The following PRKCE variants were observed in gnomAD, a reference collection of about 807,000 sequenced individuals.
PRKCE encodes protein kinase C epsilon type.
In PRKCE, 16 loss-of-function variants were observed where a neutral mutation model predicts 85.4. The ratio of observed to expected loss-of-function variants is 0.19; its 90% CI spans 0.13 to 0.28. The LOEUF (loss-of-function observed/expected upper bound fraction) is 0.28. Among genes scored for constraint, PRKCE ranks in the 10% least tolerant of loss-of-function variants. PRKCE has a pLI of 1.00. For synonymous variants in PRKCE, 388 were observed against 371.5 expected (o/e 1.04, Z -0.51); for missense variants, 573 against 975.2 (o/e 0.59, Z 5.49).
At chr2:46,149,453 C>G (rs1676390238) in intron 12 of PRKCE, among the ~76,000 whole-genome samples, 1 of 152,138 alleles carries the variant, frequency 6.6e-6, no homozygotes, top group South Asian at 2.1e-4. Flanking sequence ...AGAGCCATGC[C>G]TAATCCCACT....
rs749536518 is a variant in PRKCE at position 46,138,595 on chromosome 2, G to T, written c.1593-6498G>T. Among the ~76,000 whole-genome samples, 1 of 152,106 alleles carries T rather than the reference G, an allele frequency of 6.6e-6. No individual in the cohort carries two copies. Among genetic ancestry groups the T allele is most frequent in the Non-Finnish European group, 1.5e-5 (1 of 68,034 alleles). On this transcript the variant is annotated intron_variant, in intron 11 of 14. Transcript: ENST00000306156. The surrounding 1 kb of genome is among the most constrained non-coding windows in gnomAD (Gnocchi z 4.2). The stretch of plus-strand genomic sequence containing the variant: ...AAATCTCTGTCTGGCTTAGTGATCC[G>T]GGCCAGGCCGTGTTAGAGCCCTGAT...
At chr2:45,717,866 G>A (rs942695106) in intron 1 of PRKCE, among the ~76,000 whole-genome samples, 5 of 152,234 alleles carry the variant, frequency 3.3e-5, no homozygotes, top group East Asian at 3.9e-4. Flanking sequence ...CCAGTATCAC[G>A]GGTCTACTCT....
chr2:45,824,585 C>T (rs745701531), intron 1 of PRKCE, among the ~76,000 whole-genome samples: 12 of 152,180 alleles, frequency 7.9e-5, no homozygotes, highest in Non-Finnish European at 1.3e-4. Context: ...TCCCTCCCTC[C>T]GTCCCTCCCT....
intron 1 of PRKCE, among the ~76,000 whole-genome samples, chr2:45,744,504 C>A (rs1336942725): frequency 3.3e-5 from 1 of 30,474 alleles, no homozygotes; most frequent in Non-Finnish European, 6.5e-5. Context: ...TCTTTCTTTT[C>A]TTTCTTTCTT....
chr2:45,814,659 A>G (rs1021355222), intron 1 of PRKCE, among the ~76,000 whole-genome samples: 2 of 152,188 alleles, frequency 1.3e-5, no homozygotes, highest in African/African-American at 4.8e-5. Context: ...GGTCTGTGCT[A>G]TTCGGGGGTG....
chr2:46,081,002 C>CACAT (rs1209707632), intron 10 of PRKCE, among the ~76,000 whole-genome samples: 1 of 147,576 alleles, frequency 6.8e-6, no homozygotes, highest in African/African-American at 2.5e-5. Flanking sequence ...CACACACACA[C>CACAT]ATTTTTAGAG....
chr2:45,936,671 C>A (rs1040574570), intron 2 of PRKCE, among the ~76,000 whole-genome samples: 7 of 152,210 alleles, frequency 4.6e-5, no homozygotes, highest in Non-Finnish European at 8.8e-5. Context: ...CCCCTGCAGC[C>A]CTCTTTTTGC....
At chr2:46,151,621 G>A (rs574887375) in intron 13 of PRKCE, among the ~76,000 whole-genome samples, 1 of 130,694 alleles carries the variant, frequency 7.7e-6, no homozygotes, top group African/African-American at 2.8e-5. Context: ...CCTGTGGCCT[G>A]TCTTCATCAG....
chr2:46,018,487 T>A (rs915074564), intron 10 of PRKCE, among the ~76,000 whole-genome samples: 5 of 152,102 alleles, frequency 3.3e-5, no homozygotes, highest in Non-Finnish European at 5.9e-5. Context: ...AAAATTTTTT[T>A]AAAAAAAGCC....
chr2:46,120,653 T>G (rs2218660), intron 11 of PRKCE, among the ~76,000 whole-genome samples: 52,005 of 152,032 alleles, frequency 0.34, 10,312 homozygotes, highest in African/African-American at 0.55. Context: ...TAGGCTTTTT[T>G]AACTCTTCTG....
At chr2:46,053,522 C>G (rs13420860) in intron 10 of PRKCE, among the ~76,000 whole-genome samples, 16,347 of 152,196 alleles carry the variant, frequency 0.11, 1,246 homozygotes, top group African/African-American at 0.22. Flanking sequence ...CCTCCTTCAG[C>G]CCCTGACAAC....
chr2:46,110,435 A>G (rs2104213481), intron 11 of PRKCE, among the ~76,000 whole-genome samples: 1 of 152,312 alleles, frequency 6.6e-6, no homozygotes, highest in South Asian at 2.1e-4. Context: ...TGTATCTTTC[A>G]CAGAATTGGC....
intron 2 of PRKCE, among the ~76,000 whole-genome samples, chr2:45,927,009 G>A (rs1698670732): frequency 6.6e-6 from 1 of 152,080 alleles, no homozygotes. Context: ...ACTATAGAAT[G>A]TGTATACATG....
rs1479345218 is a variant in PRKCE at position 46,086,330 on chromosome 2, C to A, written c.1560C>A (p.Leu520=). The change falls in exon 11 of 15, where the codon CTC becomes CTA. Residue 520 remains leucine, a synonymous_variant. Coordinates refer to ENST00000306156, the MANE Select transcript of PRKCE (RefSeq NM_005400.3). ...RFYAAEVTSA[L]MFLHQHGVIY... is the part of the protein sequence containing the mutation. ...ATGCTGCAGAGGTCACATCGGCCCTCATGTTCCTCCACCAGCATGGAGTCA... is the reference window on the plus strand; with the variant it reads ...ATGCTGCAGAGGTCACATCGGCCCTAATGTTCCTCCACCAGCATGGAGTCA... 2.5e-6 allele frequency: 4 copies of A among 1,599,640 alleles called. No homozygotes were observed. Among genetic ancestry groups the A allele is most frequent in the Non-Finnish European group, 2.5e-6 (3 of 1,179,882 alleles).
At chr2:45,828,323 C>A (rs1690122453) in intron 1 of PRKCE, among the ~76,000 whole-genome samples, 2 of 152,190 alleles carry the variant, frequency 1.3e-5, no homozygotes, top group Admixed American at 1.3e-4. Context: ...TTGCTTGAAG[C>A]CAGGAGGCGG....
intron 2 of PRKCE, among the ~76,000 whole-genome samples, chr2:45,970,918 T>C (rs1702066173): frequency 6.6e-6 from 1 of 150,580 alleles, no homozygotes; most frequent in African/African-American, 2.4e-5. Context: ...ACATACTATA[T>C]ATACATACAC....
In PRKCE at chr2:45,942,865, G is replaced by A. The variant is rs373123715; in HGVS notation, c.413-33564G>A. Among the ~76,000 whole-genome samples, 12 of 152,064 alleles carry A rather than the reference G, an allele frequency of 7.9e-5. 1 individual carries two copies. The highest frequency in any genetic ancestry group is 6.5e-4 in the Admixed American group (10 of 15,278). ...ACTTCATTTTTAATTAAACATCAGT[G>A]GAAATATGCTTACAGTAAAACATTT... On this transcript the variant is annotated intron_variant, in intron 2 of 14. Coordinates refer to ENST00000306156, the MANE Select transcript of PRKCE (RefSeq NM_005400.3).
chr2:45,744,669 G>T (rs921546575), intron 1 of PRKCE, among the ~76,000 whole-genome samples: 1 of 150,920 alleles, frequency 6.6e-6, no homozygotes, highest in South Asian at 2.1e-4. Flanking sequence ...GTGCAGTGGT[G>T]CCGTCTCCGG....
chr2:45,961,718 G>A (rs984954816), intron 2 of PRKCE, among the ~76,000 whole-genome samples: 5 of 151,836 alleles, frequency 3.3e-5, no homozygotes, highest in African/African-American at 4.8e-5. Flanking sequence ...TCTTTGAGAC[G>A]GAGTTTCACT....
Sources: gnomAD v4.1 joint callset for allele counts (sites outside exome capture counted in the v4.1 genomes callset) on GRCh38, gnomAD v4.1.1 for gene constraint, Gnocchi (gnomAD v3.1) non-coding constraint, MANE v1.5 for transcripts, NCBI Gene and HGNC (gene_info 2026-07-23, HGNC 2026-07-21) for gene names.